Variants in TMTC1 observed in about 807,000 individuals in gnomAD.
TMTC1 encodes transmembrane O-mannosyltransferase targeting cadherins 1, also known as protein O-mannosyl-transferase TMTC1.
A neutral mutation model predicts 104.8 loss-of-function variants in TMTC1; 73 were observed. The observed-to-expected ratio is 0.70, with a 90% CI of 0.58 to 0.85. The LOEUF (loss-of-function observed/expected upper bound fraction) is 0.85. Among genes scored for constraint, TMTC1 ranks in the 40% least tolerant of loss-of-function variants. The pLI is 0.00. For missense variants in TMTC1, 1,035 were observed against 1,096.1 expected (o/e 0.94, Z 0.79); for synonymous variants, 434 against 428.7 (o/e 1.01, Z -0.15).
intron 5 of TMTC1, among the ~76,000 whole-genome samples, chr12:29,704,245 A>G (rs541061914): frequency 1.3e-5 from 2 of 152,352 alleles, no homozygotes; most frequent in East Asian, 3.9e-4. Context: ...TATTTTGACA[A>G]GAAAATAGTG....
At chr12:29,725,165 C>G (rs1942352780) in intron 5 of TMTC1, among the ~76,000 whole-genome samples, 1 of 150,796 alleles carries the variant, frequency 6.6e-6, no homozygotes, top group Admixed American at 6.6e-5. Context: ...TTACAGGCAC[C>G]TGCCACCATG....
At chr12:29,629,638 G>A (rs973294444) in intron 6 of TMTC1, among the ~76,000 whole-genome samples, 1 of 152,138 alleles carries the variant, frequency 6.6e-6, no homozygotes, top group Admixed American at 6.5e-5. Context: ...GAGACAGAAA[G>A]CACATTAAAG....
At chr12:29,644,162 T>A (rs866961719) in intron 5 of TMTC1, among the ~76,000 whole-genome samples, 3 of 136,612 alleles carry the variant, frequency 2.2e-5, no homozygotes, top group Admixed American at 8.4e-5. Flanking sequence ...TATATATATA[T>A]AATGAAATAC....
intron 10 of TMTC1, among the ~76,000 whole-genome samples, chr12:29,539,069 G>T (rs575439932): frequency 6.6e-6 from 1 of 152,188 alleles, no homozygotes; most frequent in East Asian, 1.9e-4. Flanking sequence ...GGAGAGGAAT[G>T]AAGAGAATAT....
chr12:29,614,304 T>C (rs1048139325), intron 6 of TMTC1, among the ~76,000 whole-genome samples: 1 of 152,214 alleles, frequency 6.6e-6, no homozygotes. Flanking sequence ...AATCAAAACA[T>C]GTTGCATCTC....
intron 5 of TMTC1, among the ~76,000 whole-genome samples, chr12:29,714,381 T>C (rs1042255538): frequency 2.6e-5 from 4 of 152,192 alleles, no homozygotes; most frequent in Non-Finnish European, 4.4e-5. Flanking sequence ...TACACAGGTG[T>C]TGGGATTTCT....
In TMTC1 at chr12:29,520,630, A is replaced by T; in HGVS notation, c.1876T>A (p.Leu626Ile). 1 of 1,612,222 alleles carries T rather than the reference A, an allele frequency of 6.2e-7. No homozygotes were observed. Among genetic ancestry groups the T allele is most frequent in the East Asian group, 2.2e-5 (1 of 44,846 alleles). Reference sequence around the variant, plus strand: ...TAATTTCACTTACCAGTATCAACTAAGAAAACCCCATAGTTGTTGTGTAAA... The same window carrying T: ...TAATTTCACTTACCAGTATCAACTATGAAAACCCCATAGTTGTTGTGTAAA... ...SDLHNNYGVF[L>I]VDTGLPEKAV... is the part of the protein sequence containing the mutation. The change falls in exon 12 of 18, where the codon TTA (leucine) becomes ATA (isoleucine). Residue 626 changes from leucine to isoleucine, a missense_variant. Coordinates refer to ENST00000539277, the MANE Select transcript of TMTC1 (RefSeq NM_001193451.2).
chr12:29,522,361 T>C (rs1204497009), intron 11 of TMTC1, among the ~76,000 whole-genome samples: 2 of 152,170 alleles, frequency 1.3e-5, no homozygotes, highest in Non-Finnish European at 2.9e-5. Flanking sequence ...GGGAACAAGG[T>C]GTGGTTTGTC....
At chr12:29,551,089 CAG>C (rs1004846362) in intron 10 of TMTC1, among the ~76,000 whole-genome samples, 3 of 151,814 alleles carry the variant, frequency 2.0e-5, no homozygotes, top group African/African-American at 7.3e-5. Flanking sequence ...GTCACTACCA[CAG>C]GGGTGCAGAG....
chr12:29,610,359 T>C (rs1017861226), intron 6 of TMTC1, among the ~76,000 whole-genome samples: 10 of 152,198 alleles, frequency 6.6e-5, no homozygotes, highest in Non-Finnish European at 1.5e-4. Flanking sequence ...AAATGTTATA[T>C]TGAAATAATA....
In TMTC1 at chr12:29,557,016, T is replaced by C. The variant is rs747159800; in HGVS notation, c.1533-16A>G. The C allele has an allele frequency of 2.5e-6, 4 of 1,613,292 alleles. No individual in the cohort carries two copies. Among genetic ancestry groups the C allele is most frequent in the Non-Finnish European group, 3.4e-6 (4 of 1,179,804 alleles). ...TGGATACAACCTGAAAAGTTAAAAA[T>C]ATTAAGCTGTGATGGTTCAAAAACT... is the stretch of plus-strand genomic sequence containing the variant. On this transcript the variant is annotated splice_polypyrimidine_tract_variant and intron_variant, in intron 9 of 17. Coordinates refer to ENST00000539277, the MANE Select transcript of TMTC1 (RefSeq NM_001193451.2).
intron 5 of TMTC1, among the ~76,000 whole-genome samples, chr12:29,657,997 G>A (rs969594941): frequency 6.6e-6 from 1 of 151,992 alleles, no homozygotes; most frequent in East Asian, 1.9e-4. Context: ...GGAGGCTGAG[G>A]TAAGAGAATC....
chr12:29,503,614 T>A lies in TMTC1; in HGVS notation c.*3232A>T, dbSNP rs1200120335. The A allele has an allele frequency of 6.6e-6, 1 of 152,120 alleles. No homozygotes were observed. Among genetic ancestry groups the A allele is most frequent in the South Asian group, 2.1e-4 (1 of 4,816 alleles). 9.4% of individuals were successfully genotyped at this position (152,120 alleles called of 1,614,324 possible). On this transcript the variant is annotated 3_prime_UTR_variant, in exon 18 of 18. Coordinates refer to ENST00000539277, the MANE Select transcript of TMTC1 (RefSeq NM_001193451.2). ...AACTCTAAATGTAGCTGGAAAAAAA[T>A]AGCAAATCTGTTCAGAGTAACACAA...
chr12:29,600,401 G>C (rs1946533412), intron 7 of TMTC1, among the ~76,000 whole-genome samples: 1 of 152,142 alleles, frequency 6.6e-6, no homozygotes, highest in Non-Finnish European at 1.5e-5. Flanking sequence ...CTTTGATGAA[G>C]TCATCAGAGA....
At chr12:29,510,244 G>A (rs904416650) in intron 17 of TMTC1, among the ~76,000 whole-genome samples, 5 of 152,080 alleles carry the variant, frequency 3.3e-5, no homozygotes, top group East Asian at 1.9e-4. Flanking sequence ...CAATGGTAAC[G>A]CAGTGGTATT....
intron 4 of TMTC1, among the ~76,000 whole-genome samples, chr12:29,754,007 C>T (rs148059731): frequency 1.6e-4 from 25 of 152,154 alleles, no homozygotes; most frequent in Admixed American, 3.3e-4. Flanking sequence ...GCTGGGATTA[C>T]AGGCACATGC....
intron 5 of TMTC1, among the ~76,000 whole-genome samples, chr12:29,729,583 A>G (rs1373207212): frequency 6.6e-6 from 1 of 152,132 alleles, no homozygotes; most frequent in Non-Finnish European, 1.5e-5. Flanking sequence ...TCCCATCACA[A>G]TGACTTCTGC....
At chr12:29,521,769 T>C (rs1348167333) in intron 11 of TMTC1, among the ~76,000 whole-genome samples, 1 of 152,108 alleles carries the variant, frequency 6.6e-6, no homozygotes, top group Non-Finnish European at 1.5e-5. Context: ...GGTTTCCCCA[T>C]GTTGGCCAGG....
intron 6 of TMTC1, among the ~76,000 whole-genome samples, chr12:29,613,726 G>A (rs1565710485): frequency 6.6e-6 from 1 of 152,320 alleles, no homozygotes; most frequent in East Asian, 1.9e-4. Flanking sequence ...AAACCATTTT[G>A]TTCCTACGAA....
Sources: allele counts gnomAD v4.1 joint callset (sites outside exome capture counted in the v4.1 genomes callset), GRCh38; gene constraint gnomAD v4.1.1; transcripts MANE v1.5; gene names NCBI Gene and HGNC (gene_info 2026-07-23, HGNC 2026-07-21).